The following PIAS3 variants were observed in gnomAD, a reference collection of about 807,000 sequenced individuals.
PIAS3 encodes E3 SUMO-protein ligase PIAS3.
PIAS3 carries 34 observed loss-of-function variants against 67.6 expected under a neutral mutation model. That is an observed-to-expected ratio of 0.50 (90% CI 0.38 to 0.67). The LOEUF (loss-of-function observed/expected upper bound fraction) is 0.67, where lower values mean the gene tolerates loss of function less well. Among genes scored for constraint, PIAS3 ranks in the 30% least tolerant of loss-of-function variants. The probability of loss-of-function intolerance (pLI) is 0.00; values close to 1 mark genes in which losing one functional copy is unlikely to be tolerated. For missense variants in PIAS3, 693 were observed against 791.6 expected (o/e 0.88, Z 1.49); for synonymous variants, 341 against 313.8 (o/e 1.09, Z -0.92).
At chr1:145,854,375 G>A in intron 7 of PIAS3, 83 bp downstream of exon 7, 2 of 930,528 alleles carry the variant, frequency 2.1e-6, no homozygotes, top group Non-Finnish European at 1.7e-6. Flanking sequence ...CAAAAAAGAG[G>A]TATGGGTTTA....
chr1:145,857,065 G>C, intron 1 of PIAS3, 59 bp from the exon 2 acceptor site: 3 of 1,477,430 alleles, frequency 2.0e-6, no homozygotes, highest in Non-Finnish European at 2.8e-6. Context: ...GCCCTGCCAA[G>C]ACATGGGCTG....
chr1:145,851,277 C>A (rs1016599289), intron 9 of PIAS3, 124 bp from the exon 10 acceptor site: 4 of 961,672 alleles, frequency 4.2e-6, no homozygotes, highest in Non-Finnish European at 6.5e-6. Flanking sequence ...ATTATCCATC[C>A]TACTGGACCG....
At chr1:145,854,945 A>G (rs1418358376) in intron 5 of PIAS3, 65 bp from the exon 6 acceptor site, 3 of 1,580,046 alleles carry the variant, frequency 1.9e-6, no homozygotes, top group African/African-American at 2.7e-5. Context: ...TCTTTGAACA[A>G]AAGATATCTT....
chr1:145,855,905 G>A (rs1653153648), intron 4 of PIAS3, 79 bp from the exon 5 acceptor site: 18 of 1,122,734 alleles, frequency 1.6e-5, no homozygotes, highest in Non-Finnish European at 2.5e-5. Context: ...GGGAACCCCA[G>A]AAAATCAGTC....
intron 10 of PIAS3, 37 bp downstream of exon 10, chr1:145,850,983 A>C: frequency 1.2e-6 from 2 of 1,614,110 alleles, no homozygotes; most frequent in Non-Finnish European, 1.7e-6. Flanking sequence ...GAGGCCATCC[A>C]AGATTTAGCT....
chr1:145,850,747 T>C, intron 11 of PIAS3, 24 bp downstream of exon 11: 1 of 1,613,176 alleles, frequency 6.2e-7, no homozygotes, highest in Non-Finnish European at 8.5e-7. Flanking sequence ...CGTTTTGCTG[T>C]AGACTCAGCC....
chr1:145,853,655 T>C lies in PIAS3; in HGVS notation c.994A>G (p.Met332Val). ...RVSLMCPLGK[M>V]RLTVPCRALT... ...GCACGACAAGGGACAGTCAGGCGCATCTTCCCTAGCTGAGGAGAAGCAAGT... is the reference window on the plus strand; with the variant it reads ...GCACGACAAGGGACAGTCAGGCGCACCTTCCCTAGCTGAGGAGAAGCAAGT... The change falls in exon 9 of 14, where the codon ATG (methionine) becomes GTG (valine). Residue 332 changes from methionine to valine, a missense_variant. Transcript: ENST00000393045. 1.2e-6 allele frequency: 2 copies of C among 1,613,878 alleles called. No individual in the cohort carries two copies. Among genetic ancestry groups the C allele is most frequent in the Non-Finnish European group, 1.7e-6 (2 of 1,179,876 alleles).
chr1:145,858,777 G>A (rs1265515662), intron 1 of PIAS3, among the ~76,000 whole-genome samples, 190 bp downstream of exon 1: 3 of 26,072 alleles, frequency 1.2e-4, no homozygotes, highest in Non-Finnish European at 2.3e-4. Context: ...CATCTGCCCC[G>A]CAGCCCCGCC....
chr1:145,856,340 G>C lies in PIAS3; in HGVS notation c.527+7C>G, dbSNP rs1476400333. On this transcript the variant is annotated splice_region_variant and intron_variant, in intron 3 of 13. Transcript: ENST00000393045. ...GGGATGAGGCAGGAAGACTGGAAGA[G>C]ATGTACCTGGATGTAAGAATCTGCT... 1 of 1,609,504 alleles carries C rather than the reference G, an allele frequency of 6.2e-7. No homozygotes were observed. Among genetic ancestry groups the C allele is most frequent in the South Asian group, 1.1e-5 (1 of 91,004 alleles).
At chr1:145,849,907 C>T in intron 13 of PIAS3, 195 bp from the exon 14 acceptor site, 1 of 1,441,832 alleles carries the variant, frequency 6.9e-7, no homozygotes, top group African/African-American at 1.4e-5. Context: ...GAGAGAGCTC[C>T]TCCAACTTGT....
At chr1:145,855,598 T>C in intron 5 of PIAS3, 138 bp downstream of exon 5, 1 of 652,708 alleles carries the variant, frequency 1.5e-6, no homozygotes, top group South Asian at 1.9e-5. Flanking sequence ...GAGATTCTAT[T>C]GATTCAGTCA....
intron 5 of PIAS3, among the ~76,000 whole-genome samples, 198 bp from the exon 6 acceptor site, chr1:145,855,078 T>G (rs1553735273): frequency 6.6e-6 from 1 of 152,184 alleles, no homozygotes; most frequent in African/African-American, 2.4e-5. Flanking sequence ...TGGGGTTCAC[T>G]CCTGGGGAGA....
intron 13 of PIAS3, 53 bp downstream of exon 13, chr1:145,850,179 T>A: frequency 6.2e-7 from 1 of 1,613,026 alleles, no homozygotes; most frequent in Non-Finnish European, 8.5e-7. Context: ...CCCATCAGTG[T>A]CTAGAAAGGA....
intron 1 of PIAS3, chr1:145,857,212 T>C: frequency 1.7e-6 from 1 of 590,530 alleles, no homozygotes; most frequent in Non-Finnish European, 3.0e-6. Flanking sequence ...CAGGTCAGCA[T>C]CATCACCACC....
Position 145,848,850 on chromosome 1 carries a change from A to G in PIAS3, c.*596T>C. ...ACATCCTCCTCTGTCATACTGGAGTAGGAGGCAGGGGAAGTCATCTTTGGA... is the reference window on the plus strand; with the variant it reads ...ACATCCTCCTCTGTCATACTGGAGTGGGAGGCAGGGGAAGTCATCTTTGGA... On this transcript the variant is annotated 3_prime_UTR_variant, in exon 14 of 14. Coordinates refer to ENST00000393045, the MANE Select transcript of PIAS3 (RefSeq NM_006099.3). 1 of 183,214 alleles carries G rather than the reference A, an allele frequency of 5.5e-6. No homozygotes were observed. The allele number at this position is 183,214 out of a possible 1,614,324, so 11.3% of individuals were successfully genotyped here.
In PIAS3 at chr1:145,857,009, G is replaced by A. The variant is rs782803448; in HGVS notation, c.25-3C>T. 3.7e-6 allele frequency: 6 copies of A among 1,612,530 alleles called. No individual in the cohort carries two copies. The East Asian group carries it at 8.9e-5, about 24-fold the overall frequency. On this transcript the variant is annotated splice_polypyrimidine_tract_variant and splice_region_variant and intron_variant, in intron 1 of 13. Coordinates refer to ENST00000393045, the MANE Select transcript of PIAS3 (RefSeq NM_006099.3). The stretch of plus-strand genomic sequence containing the variant: ...ACCCGGAAACTCATCACCATGTGCT[G>A]TGGAGAAAAACAGAGAAGCTTGAGC...
chr1:145,855,720 AG>A lies in PIAS3; in HGVS notation c.669+15del. ...ACGGTAAGGGATTACTGACAGAAGA[AG>A]GGGAGAGCATTTACCGGCAGGGGGC... On this transcript the variant is annotated intron_variant, in intron 5 of 13. Transcript: ENST00000393045. 7.3e-7 allele frequency: 1 copy of A among 1,367,746 alleles called. No individual in the cohort carries two copies. Among genetic ancestry groups the A allele is most frequent in the Non-Finnish European group, 1.0e-6 (1 of 970,892 alleles). The allele number at this position is 1,367,746 out of a possible 1,614,324, so 84.7% of individuals were successfully genotyped here.
Position 145,856,029 on chromosome 1 carries a change from C to A in PIAS3, c.578+39G>T, listed in dbSNP as rs1553735511. On this transcript the variant is annotated intron_variant, in intron 4 of 13. Transcript: ENST00000393045. The stretch of plus-strand genomic sequence containing the variant: ...TCATACCCCTACTTCACTCCTACCC[C>A]CAGTGGGTACCCAGGATAGGCAGGG... 3.9e-6 allele frequency: 6 copies of A among 1,553,844 alleles called. No individual in the cohort carries two copies. The Middle Eastern group carries it at 5.1e-4, about 132-fold the overall frequency.
In PIAS3 at chr1:145,853,639, G is replaced by A; in HGVS notation, c.1010C>T (p.Pro337Leu). ...CPLGKMRLTV[P>L]CRALTCAHLQ... ...GTGGGCGCAGGTGAGGGCACGACAA[G>A]GGACAGTCAGGCGCATCTTCCCTAG... The change falls in exon 9 of 14, where the codon CCT (proline) becomes CTT (leucine). Residue 337 changes from proline (P) to leucine (L), a missense_variant. By Grantham distance (98) the Pro-to-Leu change is moderately conservative (BLOSUM62 -3). Transcript: ENST00000393045. 6.2e-7 allele frequency: 1 copy of A among 1,614,026 alleles called. No individual in the cohort carries two copies. Among genetic ancestry groups the A allele is most frequent in the Non-Finnish European group, 8.5e-7 (1 of 1,179,984 alleles).
Sources: allele counts gnomAD v4.1 joint callset (sites outside exome capture counted in the v4.1 genomes callset), GRCh38; gene constraint gnomAD v4.1.1; transcripts MANE v1.5; gene names NCBI Gene and HGNC (gene_info 2026-07-23, HGNC 2026-07-21).